MACROD2: variants seen among roughly 807,000 people sequenced by gnomAD.
The protein encoded by MACROD2 is ADP-ribose glycohydrolase MACROD2.
Under a neutral mutation model 70.4 loss-of-function variants are expected in MACROD2, and 36 were observed. That is an observed-to-expected ratio of 0.51 (90% CI 0.39 to 0.68). MACROD2 has a LOEUF of 0.68. Among genes scored for constraint, MACROD2 ranks in the 30% least tolerant of loss-of-function variants. The probability of loss-of-function intolerance (pLI) is 0.00; values close to 1 mark genes in which losing one functional copy is unlikely to be tolerated. For synonymous variants in MACROD2, 172 were observed against 178.8 expected (o/e 0.96, Z 0.30); for missense variants, 496 against 538.4 (o/e 0.92, Z 0.78).
At chr20:15,109,966 G>A (rs181369968) in intron 5 of MACROD2, among the ~76,000 whole-genome samples, 54 of 152,214 alleles carry the variant, frequency 3.5e-4, no homozygotes, top group African/African-American at 1.3e-3. Flanking sequence ...ATAGGTTCTC[G>A]GAGGGCAGAA....
intron 13 of MACROD2, among the ~76,000 whole-genome samples, chr20:15,970,813 C>G (rs12624883): frequency 0.017 from 2,642 of 152,206 alleles, 68 homozygotes; most frequent in African/African-American, 0.054. Context: ...AGAAGAAGTG[C>G]CTGTTCCCAC....
At chr20:14,410,883 G>T (rs1029375645) in intron 3 of MACROD2, among the ~76,000 whole-genome samples, 1 of 152,066 alleles carries the variant, frequency 6.6e-6, no homozygotes, top group Admixed American at 6.6e-5. Context: ...TTGTCTCAGT[G>T]TCTTCTTCTG....
chr20:14,780,739 T>C (rs1392061660), intron 5 of MACROD2, among the ~76,000 whole-genome samples: 2 of 151,934 alleles, frequency 1.3e-5, no homozygotes, highest in East Asian at 3.9e-4. Flanking sequence ...GAAACAAAAG[T>C]ATGAGATAAC....
chr20:15,643,499 T>C lies in MACROD2; in HGVS notation c.645+143652T>C, dbSNP rs184829447. Among the ~76,000 whole-genome samples the C allele has an allele frequency of 2.2e-3, 340 of 152,350 alleles. 2 individuals carry two copies. The highest frequency in any genetic ancestry group is 7.9e-3 in the African/African-American group (330 of 41,588). ...CTATCAGATTTCAGTCTCTGTCAGA[T>C]TGACTTATGTCATTGCACGTTTGTC... On this transcript the variant is annotated intron_variant, in intron 8 of 17. Transcript: ENST00000684519.
chr20:14,542,635 T>C (rs2085448254), intron 4 of MACROD2, among the ~76,000 whole-genome samples: 2 of 152,198 alleles, frequency 1.3e-5, no homozygotes, highest in Non-Finnish European at 2.9e-5. Flanking sequence ...AGAATTTTTC[T>C]GTGTCTGAAA....
chr20:15,373,814 CACAA>C (rs1368130593), intron 6 of MACROD2, among the ~76,000 whole-genome samples: 12 of 152,058 alleles, frequency 7.9e-5, no homozygotes, highest in African/African-American at 2.9e-4. Context: ...TCCTCCAATC[CACAA>C]ACATTGTATA....
intron 3 of MACROD2, among the ~76,000 whole-genome samples, chr20:14,167,306 A>G (rs1222551777): frequency 6.6e-6 from 1 of 152,068 alleles, no homozygotes; most frequent in East Asian, 1.9e-4. Context: ...TCACATGATT[A>G]TATGCTTCTT....
intron 3 of MACROD2, among the ~76,000 whole-genome samples, chr20:14,139,513 C>CATATA (rs1451424285): frequency 6.6e-6 from 1 of 152,018 alleles, no homozygotes; most frequent in African/African-American, 2.4e-5. Context: ...TTTCCCCATA[C>CATATA]TTATATATTT....
chr20:15,271,083 A>G (rs141262367), intron 6 of MACROD2, among the ~76,000 whole-genome samples: 35 of 152,234 alleles, frequency 2.3e-4, no homozygotes, highest in African/African-American at 7.9e-4. Flanking sequence ...CAAATGACCA[A>G]TCTCTCTCTC....
intron 3 of MACROD2, among the ~76,000 whole-genome samples, chr20:14,124,579 A>G (rs577230720): frequency 9.3e-4 from 142 of 152,204 alleles, no homozygotes; most frequent in Non-Finnish European, 1.5e-3. Flanking sequence ...ATTATAACCT[A>G]ACCAACCATA....
chr20:14,200,602 T>C (rs1180888719), intron 3 of MACROD2, among the ~76,000 whole-genome samples: 1 of 152,156 alleles, frequency 6.6e-6, no homozygotes, highest in African/African-American at 2.4e-5. Flanking sequence ...TTCCTAGAAA[T>C]AAAATTACTG....
At chr20:15,069,154 G>A (rs2075600164) in intron 5 of MACROD2, among the ~76,000 whole-genome samples, 1 of 152,184 alleles carries the variant, frequency 6.6e-6, no homozygotes, top group Non-Finnish European at 1.5e-5. Context: ...TGAAACTTAA[G>A]AGTGATGACT....
intron 3 of MACROD2, among the ~76,000 whole-genome samples, chr20:14,428,155 T>G (rs537897623): frequency 6.6e-6 from 1 of 152,108 alleles, no homozygotes; most frequent in Non-Finnish European, 1.5e-5. Flanking sequence ...TTTTAATGAA[T>G]TGAAATACAG....
At chr20:14,822,475 C>T (rs960632558) in intron 5 of MACROD2, among the ~76,000 whole-genome samples, 1 of 152,014 alleles carries the variant, frequency 6.6e-6, no homozygotes, top group Non-Finnish European at 1.5e-5. Context: ...GGTGTGCTTG[C>T]AATGCTATCA....
chr20:14,368,522 G>A lies in MACROD2; in HGVS notation c.272-124957G>A, dbSNP rs561905743. ...CGCACCACTGCACTCTAGCCTGGGTGACAGAGCGAGACTCTGTCTCAAAAA... is the reference window on the plus strand; with the variant it reads ...CGCACCACTGCACTCTAGCCTGGGTAACAGAGCGAGACTCTGTCTCAAAAA... On this transcript the variant is annotated intron_variant, in intron 3 of 17. Transcript: ENST00000684519. Among the ~76,000 whole-genome samples, 6 of 151,186 alleles carry A rather than the reference G, an allele frequency of 4.0e-5. No individual in the cohort carries two copies. In the South Asian group the frequency reaches 1.3e-3, roughly 32 times the overall value.
At chr20:15,532,624 GAACA>G (rs980530836) in intron 8 of MACROD2, among the ~76,000 whole-genome samples, 1 of 146,238 alleles carries the variant, frequency 6.8e-6, no homozygotes, top group African/African-American at 2.8e-5. Flanking sequence ...TCAATTATAA[GAACA>G]AACAAGTGAA....
chr20:15,578,683 TA>T (rs2048483211), intron 8 of MACROD2, among the ~76,000 whole-genome samples: 1 of 22,952 alleles, frequency 4.4e-5, no homozygotes, highest in South Asian at 2.4e-3. Context: ...AAGGGGCTCC[TA>T]GGGTGTCGAT....
chr20:14,415,050 A>G (rs1162496698), intron 3 of MACROD2, among the ~76,000 whole-genome samples: 3 of 152,134 alleles, frequency 2.0e-5, no homozygotes, highest in African/African-American at 7.2e-5. Context: ...AGTTCCATGA[A>G]TGCAGAAACT....
intron 9 of MACROD2, among the ~76,000 whole-genome samples, chr20:15,872,568 A>T (rs553448033): frequency 6.6e-6 from 1 of 152,310 alleles, no homozygotes; most frequent in South Asian, 2.1e-4. Flanking sequence ...CTAATGGACC[A>T]ATTCCAAATA....
Sources: gnomAD v4.1 joint callset for allele counts (sites outside exome capture counted in the v4.1 genomes callset) on GRCh38, gnomAD v4.1.1 for gene constraint, MANE v1.5 for transcripts, NCBI Gene and HGNC (gene_info 2026-07-23, HGNC 2026-07-21) for gene names.